Variants in CDH18 observed in about 807,000 individuals in gnomAD.
The protein encoded by CDH18 is cadherin 18, also known as cadherin-18.
Under a neutral mutation model 67.9 loss-of-function variants are expected in CDH18, and 31 were observed. The observed-to-expected ratio is 0.46, with a 90% confidence interval of 0.34 to 0.62. CDH18 has a LOEUF of 0.62. Among genes scored for constraint, CDH18 ranks in the 20% least tolerant of loss-of-function variants. The probability of loss-of-function intolerance (pLI) is 0.01; values close to 1 mark genes in which losing one functional copy is unlikely to be tolerated. For missense variants in CDH18, 890 were observed against 975.5 expected (o/e 0.91, Z 1.17); for synonymous variants, 362 against 347.2 (o/e 1.04, Z -0.48).
At chr5:19,500,285 T>G (rs1390388081) in intron 11 of CDH18, among the ~76,000 whole-genome samples, 1 of 152,206 alleles carries the variant, frequency 6.6e-6, no homozygotes, top group Non-Finnish European at 1.5e-5. Flanking sequence ...CTATTTTATT[T>G]TTAATTTCAT....
At chr5:20,060,041 G>T (rs1276168094) in intron 2 of CDH18, among the ~76,000 whole-genome samples, 1 of 152,094 alleles carries the variant, frequency 6.6e-6, no homozygotes, top group Non-Finnish European at 1.5e-5. Flanking sequence ...GGATTGATGG[G>T]TGTAGCAAAC....
At chr5:19,876,170 TA>T (rs1167388273) in intron 2 of CDH18, among the ~76,000 whole-genome samples, 5 of 152,094 alleles carry the variant, frequency 3.3e-5, no homozygotes, top group African/African-American at 1.2e-4. Context: ...ACTGATTTTT[TA>T]AAAAATCAAT....
Position 20,298,009 on chromosome 5 carries a change from C to A in CDH18, c.-579-42504G>T, listed in dbSNP as rs7704122. Reference sequence around the variant, plus strand: ...CTGTCTTGCCGACTTATTATACCCCCCATTATTCTATTTTCACTTGAACTA... The same window carrying A: ...CTGTCTTGCCGACTTATTATACCCCACATTATTCTATTTTCACTTGAACTA... On this transcript the variant is annotated intron_variant, in intron 1 of 14. Transcript: ENST00000507958. 7.0e-3 allele frequency among the ~76,000 whole-genome samples: 1,061 copies of A among 152,184 alleles called. 16 individuals are homozygous for A. The highest frequency in any genetic ancestry group is 0.024 in the African/African-American group (998 of 41,542).
intron 5 of CDH18, among the ~76,000 whole-genome samples, chr5:19,715,085 G>C (rs535822201): frequency 2.6e-4 from 39 of 152,088 alleles, no homozygotes; most frequent in Non-Finnish European, 5.0e-4. Flanking sequence ...CATATGAAAT[G>C]ATACAAAATG....
At chr5:19,697,516 G>T (rs764878177) in intron 5 of CDH18, among the ~76,000 whole-genome samples, 47 of 152,086 alleles carry the variant, frequency 3.1e-4, no homozygotes, top group African/African-American at 2.7e-4. Context: ...ACTGCAAAAT[G>T]TAGATTATTT....
intron 2 of CDH18, among the ~76,000 whole-genome samples, chr5:20,031,421 A>T (rs1018451567): frequency 6.6e-6 from 1 of 152,106 alleles, no homozygotes; most frequent in Non-Finnish European, 1.5e-5. Flanking sequence ...CTAAAGTGGC[A>T]GGTAACAAAG....
intron 10 of CDH18, among the ~76,000 whole-genome samples, chr5:19,516,054 C>CA (rs904391576): frequency 1.3e-5 from 2 of 152,124 alleles, no homozygotes; most frequent in Non-Finnish European, 2.9e-5. Context: ...AGTTTTTTAG[C>CA]ATGAAGGGCT....
At chr5:20,407,732 T>A (rs76362478) in intron 1 of CDH18, among the ~76,000 whole-genome samples, 16 of 44,750 alleles carry the variant, frequency 3.6e-4, no homozygotes, top group Non-Finnish European at 6.7e-4. Context: ...ATTTTTTTTT[T>A]TAAAAAACTT....
At chr5:19,854,295 T>C (rs1011503193) in intron 2 of CDH18, among the ~76,000 whole-genome samples, 5 of 152,130 alleles carry the variant, frequency 3.3e-5, no homozygotes, top group Non-Finnish European at 5.9e-5. Flanking sequence ...GTGTGAACCC[T>C]TACACGGGGC....
chr5:20,401,775 A>G (rs1161783766), intron 1 of CDH18, among the ~76,000 whole-genome samples: 3 of 152,214 alleles, frequency 2.0e-5, no homozygotes, highest in Non-Finnish European at 2.9e-5. Context: ...TCATTCATCA[A>G]TTGGAGTATT....
intron 2 of CDH18, among the ~76,000 whole-genome samples, chr5:20,224,769 A>G (rs1741481592): frequency 6.6e-6 from 1 of 152,070 alleles, no homozygotes; most frequent in African/African-American, 2.4e-5. Flanking sequence ...TTTTCACTGT[A>G]AATTTATTTT....
intron 1 of CDH18, among the ~76,000 whole-genome samples, chr5:20,516,707 G>A (rs1755395450): frequency 1.3e-5 from 2 of 151,796 alleles, no homozygotes; most frequent in African/African-American, 4.8e-5. Context: ...GAAAATTAGA[G>A]ACTGATATGG....
At chr5:19,493,909 C>T (rs1222671635) in intron 11 of CDH18, among the ~76,000 whole-genome samples, 2 of 151,974 alleles carry the variant, frequency 1.3e-5, no homozygotes, top group Non-Finnish European at 2.9e-5. Context: ...ATAAATAATA[C>T]AGTTGTTGTT....
intron 2 of CDH18, among the ~76,000 whole-genome samples, chr5:19,950,658 T>C (rs956356938): frequency 4.6e-5 from 7 of 152,152 alleles, no homozygotes; most frequent in African/African-American, 1.7e-4. Context: ...AACTACTATC[T>C]GGAATTAAAG....
At chr5:19,614,043 A>C (rs528397177) in intron 5 of CDH18, among the ~76,000 whole-genome samples, 1 of 152,094 alleles carries the variant, frequency 6.6e-6, no homozygotes, top group African/African-American at 2.4e-5. Context: ...GAAGTTGTCA[A>C]TTATAACTGT....
At chr5:19,771,347 C>A (rs934218057) in intron 3 of CDH18, among the ~76,000 whole-genome samples, 5 of 152,216 alleles carry the variant, frequency 3.3e-5, no homozygotes, top group African/African-American at 9.6e-5. Context: ...CTCTTTGTTG[C>A]TCTCTATCTT....
At chr5:19,724,639 G>A (rs1056526764) in intron 4 of CDH18, among the ~76,000 whole-genome samples, 1 of 151,486 alleles carries the variant, frequency 6.6e-6, no homozygotes, top group Non-Finnish European at 1.5e-5. Context: ...TTTGCATGAT[G>A]TTACCATTGT....
chr5:20,124,632 T>C (rs1420679717), intron 2 of CDH18, among the ~76,000 whole-genome samples: 1 of 152,182 alleles, frequency 6.6e-6, no homozygotes, highest in African/African-American at 2.4e-5. Context: ...GTAGGTTCAT[T>C]TGTTAACAGA....
chr5:19,653,588 C>T (rs1300615409), intron 5 of CDH18, among the ~76,000 whole-genome samples: 1 of 152,106 alleles, frequency 6.6e-6, no homozygotes, highest in Non-Finnish European at 1.5e-5. Context: ...TCTTTTACAT[C>T]AAAGAAATCT....
Sources: gnomAD v4.1 joint callset for allele counts (sites outside exome capture counted in the v4.1 genomes callset) on GRCh38, gnomAD v4.1.1 for gene constraint, MANE v1.5 for transcripts, NCBI Gene and HGNC (gene_info 2026-07-23, HGNC 2026-07-21) for gene names.